Variants in ANK3 observed in about 807,000 individuals in gnomAD.
The protein encoded by ANK3 is ankyrin 3.
Under a neutral mutation model 370.9 loss-of-function variants are expected in ANK3, and 57 were observed. The observed-to-expected ratio is 0.15, with a 90% CI of 0.12 to 0.19. The LOEUF (loss-of-function observed/expected upper bound fraction) is 0.19. Ranked by LOEUF, ANK3 falls within the 10% of genes least tolerant of loss-of-function variation. ANK3 has a pLI of 1.00. For synonymous variants in ANK3, 1,929 were observed against 1,946.3 expected, an observed-to-expected ratio of 0.99 and a Z score of 0.23; for missense variants, 4,439 against 5,302.1, an observed-to-expected ratio of 0.84 and a Z score of 5.06.
chr10:60,196,470 G>T, intron 15 of ANK3, 57 bp downstream of exon 15: 1 of 1,184,954 alleles, frequency 8.4e-7, no homozygotes, highest in African/African-American at 1.5e-5. Context: ...ATATTAGCAA[G>T]GGTGTATTTT....
upstream of ANK3, among the ~76,000 whole-genome samples, chr10:60,392,176 C>T (rs986943732): frequency 1.3e-5 from 2 of 152,282 alleles, no homozygotes; most frequent in Non-Finnish European, 2.9e-5. Context: ...AAGGCATTGA[C>T]TCAAGATAGC....
At position 60,118,281 on chromosome 10, in the gene ANK3, A is replaced by G. The variant is rs959904887; in HGVS notation, c.2842-3950T>C. 7.9e-5 allele frequency among the ~76,000 whole-genome samples: 12 copies of G among 152,262 alleles called. 1 individual carries two copies. Among genetic ancestry groups the G allele is most frequent in the Non-Finnish European group, 1.5e-5 (1 of 68,048 alleles). On this transcript the variant is annotated intron_variant, in intron 25 of 43. Transcript: ENST00000280772. ...TACTCTGAATTACACAGATTTTTAA[A>G]AAATAGCCCTGAAGTCAAATTGAAA...
At chr10:60,593,482 C>T (rs1239380635) in intron 2 of ANK3, among the ~76,000 whole-genome samples, 1 of 152,150 alleles carries the variant, frequency 6.6e-6, no homozygotes, top group Non-Finnish European at 1.5e-5. Flanking sequence ...AGCTTTAGGA[C>T]AAATAGCCTC....
intron 1 of ANK3, among the ~76,000 whole-genome samples, chr10:60,731,837 A>G (rs1003471993): frequency 6.6e-6 from 1 of 152,200 alleles, no homozygotes; most frequent in African/African-American, 2.4e-5. Context: ...TGACTCTTCT[A>G]TGCTTTTACG....
At chr10:60,435,712 T>C (rs552463932) in intron 2 of ANK3, among the ~76,000 whole-genome samples, 1 of 152,352 alleles carries the variant, frequency 6.6e-6, no homozygotes, top group South Asian at 2.1e-4. Flanking sequence ...CTACTTTCTG[T>C]CTTTCAGGAT....
At chr10:60,609,933 G>C (rs901425971) in intron 2 of ANK3, among the ~76,000 whole-genome samples, 10 of 152,062 alleles carry the variant, frequency 6.6e-5, no homozygotes, top group African/African-American at 2.4e-4. Flanking sequence ...TTCCAGCACA[G>C]TTGGAAAACA....
Position 60,196,211 on chromosome 10 carries a change from A to T in ANK3, c.1821T>A (p.His607Gln). Reference protein sequence around the residue: ...SGLTPLHVAAHYDNQKVALLL... With the variant: ...SGLTPLHVAAQYDNQKVALLL... ...GAAGGGCCACTTTCTGATTATCGTA[A>T]TGTGCAGCTACATGCAGTGGTGTTA... Residue 607 changes from histidine to glutamine, a missense_variant, in exon 16 of 44, where the codon CAT becomes CAA. Transcript: ENST00000280772. The T allele has an allele frequency of 6.2e-7, 1 of 1,614,058 alleles. No homozygotes were observed. Among genetic ancestry groups the T allele is most frequent in the Non-Finnish European group, 8.5e-7 (1 of 1,179,954 alleles).
At chr10:60,530,595 G>A (rs867889749) in intron 2 of ANK3, among the ~76,000 whole-genome samples, 3 of 152,148 alleles carry the variant, frequency 2.0e-5, no homozygotes, top group South Asian at 4.1e-4. Flanking sequence ...TAAGTTTGTT[G>A]CCCTATGTGC....
At chr10:60,644,923 C>T in intron 1 of ANK3, among the ~76,000 whole-genome samples, 1 of 137,680 alleles carries the variant, frequency 7.3e-6, no homozygotes. Flanking sequence ...CATTGCTGCT[C>T]TTCCCTGATG....
At chr10:60,087,174 T>C (rs1250453200) in intron 29 of ANK3, among the ~76,000 whole-genome samples, 1 of 152,134 alleles carries the variant, frequency 6.6e-6, no homozygotes, top group African/African-American at 2.4e-5. Flanking sequence ...AGAAGTTTCT[T>C]AGTCTAGTCC....
chr10:60,177,551 C>T (rs1359891465), intron 18 of ANK3, among the ~76,000 whole-genome samples: 2 of 150,070 alleles, frequency 1.3e-5, no homozygotes, highest in Non-Finnish European at 3.0e-5. Context: ...TCCTGAATTT[C>T]CTGCTTCTCC....
intron 1 of ANK3, among the ~76,000 whole-genome samples, chr10:60,699,225 A>G (rs752600023): frequency 5.3e-5 from 8 of 151,962 alleles, no homozygotes; most frequent in Non-Finnish European, 1.0e-4. Flanking sequence ...AATCACCACT[A>G]AAGAACTTAT....
chr10:60,036,356 C>T (rs1381113831), intron 43 of ANK3, among the ~76,000 whole-genome samples: 10 of 146,868 alleles, frequency 6.8e-5, no homozygotes, highest in South Asian at 2.2e-4. Flanking sequence ...CAATAGCTGA[C>T]GCTTATTGAG....
Position 60,205,851 on chromosome 10 carries a change from G to C in ANK3, c.1234C>G (p.Arg412Gly). 1 of 1,613,932 alleles carries C rather than the reference G, an allele frequency of 6.2e-7. No homozygotes were observed. The highest frequency in any genetic ancestry group is 8.5e-7 in the Non-Finnish European group (1 of 1,179,830). The change falls in exon 11 of 44, where the codon CGA becomes GGA. Residue 412 changes from arginine to glycine, a missense_variant. By Grantham distance (125) the Arg-to-Gly change is moderately radical (BLOSUM62 -2). Coordinates refer to ENST00000280772, the MANE Select transcript of ANK3 (RefSeq NM_020987.5). The part of the protein sequence containing the change: ...TPLHIACKKN[R>G]IKVMELLLKH... ...AGAAGGAGTTCCATTACTTTAATTCGATTCTTCTTGCAGGCAATATGAAGA... is the reference window on the plus strand; with the variant it reads ...AGAAGGAGTTCCATTACTTTAATTCCATTCTTCTTGCAGGCAATATGAAGA...
intron 28 of ANK3, among the ~76,000 whole-genome samples, chr10:60,094,492 C>A (rs540530259): frequency 6.6e-6 from 1 of 152,122 alleles, no homozygotes; most frequent in South Asian, 2.1e-4. Flanking sequence ...CCACGCCCAG[C>A]CTCTCTGGTT....
In ANK3 at chr10:60,056,043, C is replaced by A. The variant is rs752702900; in HGVS notation, c.12687-7G>T. The A allele has an allele frequency of 6.3e-7, 1 of 1,585,154 alleles. No homozygotes were observed. Among genetic ancestry groups the A allele is most frequent in the South Asian group, 1.2e-5 (1 of 86,590 alleles). On this transcript the variant is annotated splice_polypyrimidine_tract_variant and splice_region_variant and intron_variant, in intron 41 of 43. Transcript: ENST00000280772. The stretch of plus-strand genomic sequence containing the variant: ...ATCTCTACACTGGTCAGGGCTGCAA[C>A]AGAAAATTTGCAAATTCACAATGGC...
At chr10:60,093,671 G>C (rs546416319) in intron 28 of ANK3, among the ~76,000 whole-genome samples, 3 of 152,168 alleles carry the variant, frequency 2.0e-5, no homozygotes, top group Admixed American at 6.5e-5. Context: ...GCCACTTTGC[G>C]TGATAGAGGC....
intron 23 of ANK3, among the ~76,000 whole-genome samples, chr10:60,163,131 CTT>C (rs1381891056): frequency 6.6e-6 from 1 of 151,438 alleles, no homozygotes; most frequent in African/African-American, 2.4e-5. Flanking sequence ...TTCCTTCTCT[CTT>C]CTTTCTTCTA....
intron 1 of ANK3, among the ~76,000 whole-genome samples, chr10:60,368,771 C>T (rs2059729281): frequency 1.3e-5 from 2 of 152,150 alleles, no homozygotes; most frequent in African/African-American, 4.8e-5. Context: ...AATCCCCATT[C>T]ACGTACTTCT....
Sources: allele counts gnomAD v4.1 joint callset (sites outside exome capture counted in the v4.1 genomes callset), GRCh38; gene constraint gnomAD v4.1.1; transcripts MANE v1.5; gene names NCBI Gene and HGNC (gene_info 2026-07-23, HGNC 2026-07-21).